HS3ST4: variants seen among roughly 807,000 people sequenced by gnomAD.
The protein encoded by HS3ST4 is heparan sulfate glucosamine 3-O-sulfotransferase 4.
A neutral mutation model predicts 29.2 loss-of-function variants in HS3ST4; 17 were observed. The observed-to-expected ratio is 0.58, with a 90% confidence interval of 0.40 to 0.87. The LOEUF is 0.87. Ranked by LOEUF, HS3ST4 falls within the 40% of genes least tolerant of loss-of-function variation. The pLI, the probability that HS3ST4 is intolerant of heterozygous loss-of-function variation, is 0.00. For missense variants in HS3ST4, 627 were observed against 634.5 expected, an observed-to-expected ratio of 0.99 and a Z score of 0.13; for synonymous variants, 314 against 285.7, an observed-to-expected ratio of 1.10 and a Z score of -1.00.
Position 25,762,876 on chromosome 16 carries a change from C to CAAAAA in HS3ST4, c.734+69744_734+69748dup, listed in dbSNP as rs67260535. ...TGGGTGACAGAGCAAGACCCTGTCT[C>CAAAAA]AAAAAAAAAAAAAAAAAAAAAAAGA... On this transcript the variant is annotated intron_variant, in intron 1 of 1. Coordinates refer to ENST00000331351, the MANE Select transcript of HS3ST4 (RefSeq NM_006040.3). 2.3e-3 allele frequency among the ~76,000 whole-genome samples: 137 copies of CAAAAA among 60,424 alleles called. 3 individuals are homozygous for CAAAAA. Among genetic ancestry groups the CAAAAA allele is most frequent in the African/African-American group, 3.6e-3 (59 of 16,496 alleles). The allele number at this position is 60,424 out of a possible 152,430, so 39.6% of individuals were successfully genotyped here. A position where few individuals can be genotyped will look rare whatever the true frequency, so the allele number is the denominator to read the frequency against.
chr16:25,769,268 G>A (rs964759246), intron 1 of HS3ST4, among the ~76,000 whole-genome samples: 1 of 152,096 alleles, frequency 6.6e-6, no homozygotes, highest in African/African-American at 2.4e-5. Flanking sequence ...GGGTGGCTCA[G>A]TGTGTGTCTG....
rs1046116344 is a variant in HS3ST4, at chr16:25,693,301, A to G, written c.734+150A>G. On this transcript the variant is annotated intron_variant, in intron 1 of 1. Coordinates refer to ENST00000331351, the MANE Select transcript of HS3ST4 (RefSeq NM_006040.3). ...TCTGCAAACCCTGGCGGCGTTGCTCAGGGGGATCGGCTGAGAGGGCTGGAC... is the reference window on the plus strand; with the variant it reads ...TCTGCAAACCCTGGCGGCGTTGCTCGGGGGGATCGGCTGAGAGGGCTGGAC... 4.6e-5 allele frequency: 39 copies of G among 844,790 alleles called. No individual in the cohort carries two copies. The South Asian group carries it at 7.7e-4, about 17-fold the overall frequency. 52.3% of individuals were successfully genotyped at this position (844,790 alleles called of 1,614,324 possible).
At chr16:25,907,250 C>T (rs1968188290) in intron 1 of HS3ST4, among the ~76,000 whole-genome samples, 1 of 152,032 alleles carries the variant, frequency 6.6e-6, no homozygotes, top group Non-Finnish European at 1.5e-5. Flanking sequence ...GAGACATGGG[C>T]ATAGCCAAGA....
At chr16:26,124,172 G>A (rs1899312826) in intron 1 of HS3ST4, among the ~76,000 whole-genome samples, 1 of 151,980 alleles carries the variant, frequency 6.6e-6, no homozygotes, top group Admixed American at 6.6e-5. Context: ...CACCCGCCTC[G>A]GCCTCCTAAA....
intron 1 of HS3ST4, among the ~76,000 whole-genome samples, chr16:25,981,347 A>C (rs1363256126): frequency 6.6e-6 from 1 of 152,122 alleles, no homozygotes; most frequent in Non-Finnish European, 1.5e-5. Flanking sequence ...AAAAAAAAAA[A>C]AGAAGGTAGG....
rs142651515 is a variant in HS3ST4, at chr16:25,951,642, T to TA, written c.735-183968dup. Among the ~76,000 whole-genome samples, 1,272 of 152,326 alleles carry TA rather than the reference T, an allele frequency of 8.4e-3. 17 individuals carry two copies. Among genetic ancestry groups the TA allele is most frequent in the African/African-American group, 0.029 (1,196 of 41,578 alleles). On this transcript the variant is annotated intron_variant, in intron 1 of 1. Transcript: ENST00000331351. ...ACATCAGTACTTCAGCTCTTGGGGT[T>TA]AAGGTGCGCCAGCCCCAAACTATAC...
chr16:25,757,566 A>G (rs1040672657), intron 1 of HS3ST4, among the ~76,000 whole-genome samples: 3 of 148,712 alleles, frequency 2.0e-5, no homozygotes, highest in Non-Finnish European at 4.5e-5. Context: ...CAGTATTACT[A>G]TATATAATAT....
chr16:25,910,505 T>C (rs978245926), intron 1 of HS3ST4, among the ~76,000 whole-genome samples: 1 of 151,986 alleles, frequency 6.6e-6, no homozygotes, highest in African/African-American at 2.4e-5. Flanking sequence ...TAGCCAGGTG[T>C]GGTGGTGGGT....
chr16:25,701,125 A>C (rs1464311086), intron 1 of HS3ST4, among the ~76,000 whole-genome samples: 1 of 152,168 alleles, frequency 6.6e-6, no homozygotes, highest in African/African-American at 2.4e-5. Flanking sequence ...GTTTGTCTCT[A>C]CCTGGCTTCA....
rs560467035 is a variant in HS3ST4 at position 25,719,025 on chromosome 16, G to A, written c.734+25874G>A. The stretch of plus-strand genomic sequence containing the variant: ...AGGGAGGGAGTGATCAACCATGTTG[G>A]ATGTCACTAAAAGATCTTCTGCACT... On this transcript the variant is annotated intron_variant, in intron 1 of 1. Coordinates refer to ENST00000331351, the MANE Select transcript of HS3ST4 (RefSeq NM_006040.3). 1.6e-4 allele frequency among the ~76,000 whole-genome samples: 24 copies of A among 152,328 alleles called. No individual in the cohort carries two copies. In the South Asian group the frequency reaches 5.0e-3, roughly 32 times the overall value.
intron 1 of HS3ST4, among the ~76,000 whole-genome samples, chr16:25,800,672 A>G (rs1183593639): frequency 1.3e-5 from 2 of 152,072 alleles, no homozygotes; most frequent in Non-Finnish European, 2.9e-5. Context: ...TGTTGTCTAA[A>G]TGGGTTCCTC....
At chr16:25,818,066 A>G (rs1425443172) in intron 1 of HS3ST4, among the ~76,000 whole-genome samples, 1 of 152,208 alleles carries the variant, frequency 6.6e-6, no homozygotes, top group East Asian at 1.9e-4. Context: ...TCACCAGTAA[A>G]TACAGATCCA....
At chr16:25,987,427 T>C (rs1969075624) in intron 1 of HS3ST4, among the ~76,000 whole-genome samples, 1 of 152,202 alleles carries the variant, frequency 6.6e-6, no homozygotes, top group African/African-American at 2.4e-5. Context: ...AAGTACTTTA[T>C]CCTCACAGCA....
intron 1 of HS3ST4, among the ~76,000 whole-genome samples, chr16:25,728,833 G>A (rs965383498): frequency 1.3e-5 from 2 of 152,120 alleles, no homozygotes; most frequent in African/African-American, 4.8e-5. Context: ...CTATAATCCC[G>A]ACACTTTGGG....
At chr16:26,010,422 C>G (rs2141739315) in intron 1 of HS3ST4, among the ~76,000 whole-genome samples, 1 of 151,102 alleles carries the variant, frequency 6.6e-6, no homozygotes, top group Admixed American at 6.6e-5. Context: ...CCGCTGCACT[C>G]TAGCCTGGGA....
At chr16:26,089,150 A>T (rs767798143) in intron 1 of HS3ST4, among the ~76,000 whole-genome samples, 2 of 152,190 alleles carry the variant, frequency 1.3e-5, no homozygotes, top group African/African-American at 2.4e-5. Flanking sequence ...TCCTGGTCCC[A>T]CTGTGCTCCT....
At chr16:25,905,802 A>G (rs569184080) in intron 1 of HS3ST4, among the ~76,000 whole-genome samples, 2 of 152,288 alleles carry the variant, frequency 1.3e-5, no homozygotes, top group African/African-American at 4.8e-5. Context: ...TATGAAAGAG[A>G]GACAAACCCT....
intron 1 of HS3ST4, among the ~76,000 whole-genome samples, chr16:25,825,105 A>G (rs980865995): frequency 2.6e-5 from 4 of 152,216 alleles, no homozygotes; most frequent in African/African-American, 9.6e-5. Flanking sequence ...ACATCAAGAC[A>G]AAAGAGACAA....
chr16:25,980,858 A>G (rs2141722224), intron 1 of HS3ST4, among the ~76,000 whole-genome samples: 1 of 152,306 alleles, frequency 6.6e-6, no homozygotes, highest in East Asian at 1.9e-4. Flanking sequence ...GAGCAAGAGG[A>G]AAACATGAGT....
Sources: allele counts gnomAD v4.1 joint callset (sites outside exome capture counted in the v4.1 genomes callset), GRCh38; gene constraint gnomAD v4.1.1; transcripts MANE v1.5; gene names NCBI Gene and HGNC (gene_info 2026-07-23, HGNC 2026-07-21).